The following CAMK2D variants were observed in gnomAD, a reference collection of about 807,000 sequenced individuals.
CAMK2D encodes the protein calcium/calmodulin-dependent protein kinase type II subunit delta.
CAMK2D carries 37 observed loss-of-function variants against 84.0 expected under a neutral mutation model. The ratio of observed to expected loss-of-function variants is 0.44; its 90% confidence interval spans 0.34 to 0.58. CAMK2D has a LOEUF of 0.58. CAMK2D is among the 20% of genes least tolerant of loss of function. The pLI is 0.02. For missense variants in CAMK2D, 448 were observed against 652.5 expected, an observed-to-expected ratio of 0.69 and a Z score of 3.41; for synonymous variants, 202 against 212.5, an observed-to-expected ratio of 0.95 and a Z score of 0.43.
Position 113,684,078 on chromosome 4 carries a change from C to T in CAMK2D, c.161-22306G>A, listed in dbSNP as rs1213248438. Reference sequence around the variant, plus strand: ...TATAAAAAGTTAGAACAGTGCCTGGCATATAGGAAGCAAGACAAAACTGCT... The same window carrying T: ...TATAAAAAGTTAGAACAGTGCCTGGTATATAGGAAGCAAGACAAAACTGCT... On this transcript the variant is annotated intron_variant, in intron 2 of 20. Transcript: ENST00000511664. Among the ~76,000 whole-genome samples the T allele has an allele frequency of 2.0e-5, 3 of 152,110 alleles. No homozygotes were observed. In the South Asian group the frequency reaches 6.2e-4, roughly 32 times the overall value.
At chr4:113,602,250 T>C (rs936264434) in intron 4 of CAMK2D, among the ~76,000 whole-genome samples, 2 of 152,186 alleles carry the variant, frequency 1.3e-5, no homozygotes, top group African/African-American at 4.8e-5. Context: ...TTTTGGTCTC[T>C]TGAACAAGTA....
intron 2 of CAMK2D, among the ~76,000 whole-genome samples, chr4:113,693,206 G>C (rs2099393367): frequency 6.6e-6 from 1 of 152,056 alleles, no homozygotes; most frequent in African/African-American, 2.4e-5. Flanking sequence ...CAGCAGTCCT[G>C]GCCTGTGTGG....
At chr4:113,483,499 G>A (rs1056098649) in intron 16 of CAMK2D, among the ~76,000 whole-genome samples, 2 of 151,266 alleles carry the variant, frequency 1.3e-5, no homozygotes, top group African/African-American at 4.9e-5. Context: ...TCCGCCTCCC[G>A]GGTTCAAGCG....
In CAMK2D at chr4:113,513,872, A is replaced by G. The variant is rs769425058; in HGVS notation, c.861T>C (p.Thr287=). 20 of 1,598,008 alleles carry G rather than the reference A, an allele frequency of 1.3e-5. No individual in the cohort carries two copies. The Admixed American group carries it at 3.2e-4, about 26-fold the overall frequency. ...TVASMMHRQE[T]VDCLKKFNAR... ...CATTAAATTTCTTCAAGCAGTCTAC[A>G]GTCTCCTGTCTGTGCATCATGGAAG... The change falls in exon 11 of 21, where the codon ACT becomes ACC. Residue 287 remains threonine (T), a synonymous_variant. Transcript: ENST00000511664.
At position 113,619,638 on chromosome 4, in the gene CAMK2D, C is replaced by T. The variant is rs536614797; in HGVS notation, c.221-10432G>A. Among the ~76,000 whole-genome samples, 138 of 152,264 alleles carry T rather than the reference C, an allele frequency of 9.1e-4. 1 individual carries two copies. The highest frequency in any genetic ancestry group is 3.2e-3 in the African/African-American group (132 of 41,554). ...TTTCCTCTGCCTGGAATTATTTCCC[C>T]GATATTCACATGGCTCATGGCCTCA... On this transcript the variant is annotated intron_variant, in intron 3 of 20. Transcript: ENST00000511664.
intron 3 of CAMK2D, among the ~76,000 whole-genome samples, chr4:113,623,132 C>T (rs1345975023): frequency 1.3e-5 from 2 of 152,110 alleles, no homozygotes; most frequent in Non-Finnish European, 2.9e-5. Flanking sequence ...AGGTTATACC[C>T]TTGTTGCCTG....
At chr4:113,722,085 T>C (rs1240422677) in intron 2 of CAMK2D, among the ~76,000 whole-genome samples, 2 of 152,254 alleles carry the variant, frequency 1.3e-5, no homozygotes, top group East Asian at 1.9e-4. Context: ...AACCTACCGA[T>C]TGTCAGTTTA....
intron 4 of CAMK2D, among the ~76,000 whole-genome samples, chr4:113,571,322 T>C (rs561716675): frequency 3.3e-5 from 5 of 152,100 alleles, no homozygotes; most frequent in Admixed American, 3.3e-4. Context: ...ATCAATACGT[T>C]GAAGAGATGT....
At chr4:113,474,660 T>C (rs1329407084) in intron 16 of CAMK2D, among the ~76,000 whole-genome samples, 2 of 152,086 alleles carry the variant, frequency 1.3e-5, no homozygotes, top group Non-Finnish European at 2.9e-5. Context: ...TTTGTTTATT[T>C]TTTGAGAAGA....
At chr4:113,659,357 G>A (rs1341476644) in intron 3 of CAMK2D, among the ~76,000 whole-genome samples, 1 of 152,186 alleles carries the variant, frequency 6.6e-6, no homozygotes, top group Non-Finnish European at 1.5e-5. Flanking sequence ...TTTAGCCAAT[G>A]TTGTGGGCAA....
At chr4:113,757,115 GAA>G (rs930964369) in intron 2 of CAMK2D, among the ~76,000 whole-genome samples, 2 of 152,058 alleles carry the variant, frequency 1.3e-5, no homozygotes, top group African/African-American at 4.8e-5. Flanking sequence ...TCCAGAAAAG[GAA>G]AGAGACTAAA....
intron 16 of CAMK2D, among the ~76,000 whole-genome samples, chr4:113,496,500 G>C (rs2154145394): frequency 6.8e-6 from 1 of 146,178 alleles, no homozygotes; most frequent in Middle Eastern, 4.0e-3. Flanking sequence ...CCAGGCTGGA[G>C]TGCAGAGGCA....
intron 13 of CAMK2D, among the ~76,000 whole-genome samples, chr4:113,505,787 T>C (rs970410630): frequency 1.3e-5 from 2 of 152,170 alleles, no homozygotes; most frequent in Admixed American, 6.5e-5. Flanking sequence ...GAATATATCA[T>C]TACCACTGTG....
chr4:113,589,847 A>G (rs1049552470), intron 4 of CAMK2D, among the ~76,000 whole-genome samples: 2 of 152,164 alleles, frequency 1.3e-5, no homozygotes, highest in East Asian at 1.9e-4. Context: ...AGCAAGTATA[A>G]GCAGAGAATG....
intron 4 of CAMK2D, among the ~76,000 whole-genome samples, chr4:113,569,594 C>A (rs1374541050): frequency 6.6e-6 from 1 of 152,112 alleles, no homozygotes; most frequent in Admixed American, 6.5e-5. Context: ...AAACAATATA[C>A]CTGTTACCAG....
At chr4:113,689,839 AC>A (rs2099380059) in intron 2 of CAMK2D, among the ~76,000 whole-genome samples, 1 of 152,206 alleles carries the variant, frequency 6.6e-6, no homozygotes, top group Admixed American at 6.5e-5. Flanking sequence ...CTCATGCCCT[AC>A]CAGTTTTCCA....
chr4:113,561,852 C>A (rs2098700168), intron 4 of CAMK2D, among the ~76,000 whole-genome samples: 2 of 152,188 alleles, frequency 1.3e-5, no homozygotes, highest in Admixed American at 1.3e-4. Context: ...GTTCTTCATG[C>A]TTCAGCTTAA....
intron 2 of CAMK2D, among the ~76,000 whole-genome samples, chr4:113,751,778 T>C (rs1207707050): frequency 2.0e-5 from 3 of 151,832 alleles, no homozygotes; most frequent in Non-Finnish European, 2.9e-5. Flanking sequence ...TCAAAATAAA[T>C]AAATAAATAA....
chr4:113,480,729 T>G (rs1243746241), intron 16 of CAMK2D, among the ~76,000 whole-genome samples: 2 of 152,296 alleles, frequency 1.3e-5, no homozygotes, highest in East Asian at 3.9e-4. Context: ...TAATCCCAGC[T>G]ACTCGGGAGT....
Sources: allele counts gnomAD v4.1 joint callset (sites outside exome capture counted in the v4.1 genomes callset), GRCh38; gene constraint gnomAD v4.1.1; transcripts MANE v1.5; gene names NCBI Gene and HGNC (gene_info 2026-07-23, HGNC 2026-07-21).